Variants in HIPK2 observed in about 807,000 individuals in gnomAD.
The protein encoded by HIPK2 is homeodomain interacting protein kinase 2, also known as homeodomain-interacting protein kinase 2.
Under a neutral mutation model 113.7 loss-of-function variants are expected in HIPK2, and 27 were observed. That is an observed-to-expected ratio of 0.24 (90% CI 0.17 to 0.33). The LOEUF (loss-of-function observed/expected upper bound fraction) is 0.33, where lower values mean the gene tolerates loss of function less well. Ranked by LOEUF, HIPK2 falls within the 10% of genes least tolerant of loss-of-function variation. The pLI is 1.00. For missense variants in HIPK2, 1,257 were observed against 1,588.0 expected (o/e 0.79, Z 3.54); for synonymous variants, 631 against 642.2 (o/e 0.98, Z 0.26).
chr7:139,659,753 TCTCTTTTCTG>T (rs55911123), intron 2 of HIPK2, among the ~76,000 whole-genome samples: 102,440 of 151,382 alleles, frequency 0.68, 35,085 homozygotes, highest in Non-Finnish European at 0.72. Flanking sequence ...CTGCATTCTC[TCTCTTTTCTG>T]CTCTTTTCTT....
At chr7:139,590,766 C>T (rs887079276) in intron 12 of HIPK2, among the ~76,000 whole-genome samples, 2 of 152,144 alleles carry the variant, frequency 1.3e-5, no homozygotes, top group Non-Finnish European at 2.9e-5. Flanking sequence ...TATGCTCCTT[C>T]CTGATAGCTG....
intron 1 of HIPK2, among the ~76,000 whole-genome samples, chr7:139,766,591 T>G (rs1214788010): frequency 6.6e-6 from 1 of 152,218 alleles, no homozygotes; most frequent in Non-Finnish European, 1.5e-5. Flanking sequence ...GAGTCAGTCT[T>G]GCACATGGCA....
chr7:139,658,455 G>A (rs1369408104), intron 2 of HIPK2, among the ~76,000 whole-genome samples: 5 of 152,098 alleles, frequency 3.3e-5, no homozygotes, highest in Admixed American at 1.3e-4. Flanking sequence ...AAATGAAGAT[G>A]AGCCAAGAGT....
intron 1 of HIPK2, 129 bp from the exon 2 acceptor site, chr7:139,717,144 GT>G: frequency 1.1e-5 from 13 of 1,222,316 alleles, no homozygotes; most frequent in Non-Finnish European, 1.3e-5. Context: ...TGAAAACAAG[GT>G]TGAAAAAGTG....
At chr7:139,626,251 C>A (rs1800424961) in intron 6 of HIPK2, among the ~76,000 whole-genome samples, 1 of 151,990 alleles carries the variant, frequency 6.6e-6, no homozygotes, top group Admixed American at 6.6e-5. Context: ...TACAGGTGCG[C>A]CCCACCACAC....
chr7:139,588,340 G>GAA (rs985505403), intron 12 of HIPK2, among the ~76,000 whole-genome samples: 3 of 138,478 alleles, frequency 2.2e-5, no homozygotes, highest in Admixed American at 7.2e-5. Flanking sequence ...GCCCCCTGCT[G>GAA]AAAAAAAAAA....
In HIPK2 at chr7:139,568,846, G is replaced by C. The variant is rs947600831; in HGVS notation, c.*4081C>G. On this transcript the variant is annotated 3_prime_UTR_variant, in exon 15 of 15. Coordinates refer to ENST00000406875, the MANE Select transcript of HIPK2 (RefSeq NM_022740.5). Reference sequence around the variant, plus strand: ...TGGCAGCTCCATGCATGGGGGTAGAGGAGGCCATTGGGTGAGGACTAGGAG... The same window carrying C: ...TGGCAGCTCCATGCATGGGGGTAGACGAGGCCATTGGGTGAGGACTAGGAG... 5 of 152,306 alleles carry C rather than the reference G, an allele frequency of 3.3e-5. No homozygotes were observed. The highest frequency in any genetic ancestry group is 1.2e-4 in the African/African-American group (5 of 41,470). 9.4% of individuals were successfully genotyped at this position (152,306 alleles called of 1,614,324 possible).
chr7:139,639,313 C>T (rs186548877), intron 2 of HIPK2, among the ~76,000 whole-genome samples: 116 of 152,302 alleles, frequency 7.6e-4, no homozygotes, highest in African/African-American at 2.6e-3. Context: ...GTTGCTAAAG[C>T]ATGCTTAATC....
At chr7:139,725,435 C>T (rs1795548052) in intron 1 of HIPK2, among the ~76,000 whole-genome samples, 1 of 152,212 alleles carries the variant, frequency 6.6e-6, no homozygotes, top group Non-Finnish European at 1.5e-5. Context: ...CTAGAAAGCT[C>T]AGGCTTTGCT....
intron 14 of HIPK2, 116 bp downstream of exon 14, chr7:139,575,012 G>T: frequency 7.4e-7 from 1 of 1,345,652 alleles, no homozygotes; most frequent in Non-Finnish European, 9.9e-7. Flanking sequence ...GCCACCCGTG[G>T]CCAGGACTGC....
chr7:139,760,603 A>G (rs780985305), intron 1 of HIPK2, among the ~76,000 whole-genome samples: 2 of 152,256 alleles, frequency 1.3e-5, no homozygotes, highest in Non-Finnish European at 2.9e-5. Context: ...TCGAAACTAC[A>G]TTCTTTACAT....
At chr7:139,756,091 T>C (rs1297095018) in intron 1 of HIPK2, among the ~76,000 whole-genome samples, 2 of 152,192 alleles carry the variant, frequency 1.3e-5, no homozygotes, top group Non-Finnish European at 2.9e-5. Context: ...CTCTGTCTTT[T>C]TCCTATCCCC....
Position 139,752,481 on chromosome 7 carries a change from C to G in HIPK2, c.19+25124G>C, listed in dbSNP as rs564835824. Among the ~76,000 whole-genome samples the G allele has an allele frequency of 3.3e-5, 5 of 152,262 alleles. No individual in the cohort carries two copies. In the South Asian group the frequency reaches 1.0e-3, roughly 32 times the overall value. ...TGTGATTTTCTCCCTCACCTCTCCC[C>G]CTTCTGCACCAAATCATGCCCACCT... On this transcript the variant is annotated intron_variant, in intron 1 of 14. Transcript: ENST00000406875.
chr7:139,762,774 G>T (rs528719997), intron 1 of HIPK2, among the ~76,000 whole-genome samples: 3 of 152,170 alleles, frequency 2.0e-5, no homozygotes, highest in Middle Eastern at 3.2e-3. Context: ...ATGGTAACGG[G>T]GTAGAGAACA....
At chr7:139,693,794 CAT>C (rs1339753377) in intron 2 of HIPK2, among the ~76,000 whole-genome samples, 1 of 151,650 alleles carries the variant, frequency 6.6e-6, no homozygotes, top group Non-Finnish European at 1.5e-5. Flanking sequence ...TGTATACACA[CAT>C]GATATCTTTA....
At chr7:139,639,511 G>A (rs1463248487) in intron 2 of HIPK2, among the ~76,000 whole-genome samples, 1 of 152,182 alleles carries the variant, frequency 6.6e-6, no homozygotes, top group Non-Finnish European at 1.5e-5. Context: ...GTCTAGCCAA[G>A]GTAGCAGCAT....
intron 2 of HIPK2, among the ~76,000 whole-genome samples, chr7:139,638,879 G>A (rs571084985): frequency 3.9e-5 from 6 of 152,072 alleles, no homozygotes; most frequent in Non-Finnish European, 8.8e-5. Flanking sequence ...GGATGGTCTC[G>A]ATCTCCTGAC....
At chr7:139,648,697 G>A (rs138887319) in intron 2 of HIPK2, among the ~76,000 whole-genome samples, 97 of 152,130 alleles carry the variant, frequency 6.4e-4, no homozygotes, top group Non-Finnish European at 1.2e-3. Flanking sequence ...CATCAGCCCC[G>A]TCTGCATCAT....
chr7:139,621,971 T>C (rs900936607), intron 6 of HIPK2, among the ~76,000 whole-genome samples: 1 of 151,774 alleles, frequency 6.6e-6, no homozygotes, highest in South Asian at 2.1e-4. Context: ...AAAAACTCAT[T>C]TAATTTTCAA....
Sources: gnomAD v4.1 joint callset for allele counts (sites outside exome capture counted in the v4.1 genomes callset) on GRCh38, gnomAD v4.1.1 for gene constraint, MANE v1.5 for transcripts, NCBI Gene and HGNC (gene_info 2026-07-23, HGNC 2026-07-21) for gene names.